CNTN4: variants seen among roughly 807,000 people sequenced by gnomAD.
The protein encoded by CNTN4 is contactin 4, also known as contactin-4.
Under a neutral mutation model 122.5 loss-of-function variants are expected in CNTN4, and 77 were observed. The observed-to-expected ratio is 0.63, with a 90% confidence interval of 0.52 to 0.76. CNTN4 has a LOEUF of 0.76. CNTN4 is among the 30% of genes least tolerant of loss of function. The pLI, the probability that CNTN4 is intolerant of heterozygous loss-of-function variation, is 0.00. For synonymous variants in CNTN4, 512 were observed against 447.0 expected (o/e 1.15, Z -1.83); for missense variants, 1,256 against 1,259.1 (o/e 1.00, Z 0.04).
intron 3 of CNTN4, among the ~76,000 whole-genome samples, chr3:2,520,765 C>CA (rs2077183573): frequency 6.6e-6 from 1 of 152,016 alleles, no homozygotes; most frequent in Admixed American, 6.6e-5. Flanking sequence ...ACAGAGAACA[C>CA]AGTGCTGGGC....
rs79964227 is a variant in CNTN4 at position 2,342,869 on chromosome 3, G to A, written c.-89+3636G>A. ...AATATACATGTATAAGAAATACCTA[G>A]AATAGGCAAAACTATAGAGACAGAA... On this transcript the variant is annotated intron_variant, in intron 3 of 24. Transcript: ENST00000418658. 3.8e-3 allele frequency among the ~76,000 whole-genome samples: 580 copies of A among 152,224 alleles called. 1 individual carries two copies. The highest frequency in any genetic ancestry group is 0.013 in the African/African-American group (552 of 41,538).
At chr3:2,208,680 A>G (rs2038472375) in intron 2 of CNTN4, among the ~76,000 whole-genome samples, 1 of 152,128 alleles carries the variant, frequency 6.6e-6, no homozygotes, top group African/African-American at 2.4e-5. Context: ...CTCGAAAGGA[A>G]GGGTCTATCT....
chr3:2,853,330 C>T (rs540895728), intron 7 of CNTN4, among the ~76,000 whole-genome samples: 14 of 152,124 alleles, frequency 9.2e-5, no homozygotes, highest in East Asian at 3.9e-4. Flanking sequence ...CTGCAAGCTC[C>T]GCCTCCCGGG....
chr3:2,745,747 C>T (rs764617863), intron 6 of CNTN4, 50 bp downstream of exon 6: 4 of 1,524,414 alleles, frequency 2.6e-6, no homozygotes, highest in Non-Finnish European at 3.6e-6. Flanking sequence ...GTTTGTGTAC[C>T]ATTATACCAA....
intron 2 of CNTN4, among the ~76,000 whole-genome samples, chr3:2,283,475 A>T (rs555897477): frequency 2.0e-5 from 3 of 152,290 alleles, no homozygotes; most frequent in African/African-American, 7.2e-5. Context: ...TTTCATAAAT[A>T]TGTCACTGAA....
At chr3:2,263,451 C>T (rs1018121862) in intron 2 of CNTN4, among the ~76,000 whole-genome samples, 3 of 151,796 alleles carry the variant, frequency 2.0e-5, no homozygotes, top group African/African-American at 7.3e-5. Context: ...GCGTATATAC[C>T]GATTCATTAA....
intron 2 of CNTN4, among the ~76,000 whole-genome samples, chr3:2,267,496 G>A (rs1029867836): frequency 2.0e-5 from 3 of 152,022 alleles, no homozygotes; most frequent in Admixed American, 2.0e-4. Context: ...ATTGTTTCAC[G>A]GTTCTACAGT....
At chr3:2,328,249 C>CAAAA in intron 2 of CNTN4, among the ~76,000 whole-genome samples, 1 of 151,232 alleles carries the variant, frequency 6.6e-6, no homozygotes, top group Admixed American at 6.6e-5. Context: ...ACTAAAAATA[C>CAAAA]AAAAAAATTA....
At chr3:2,495,112 G>A (rs1020164249) in intron 3 of CNTN4, among the ~76,000 whole-genome samples, 1 of 152,152 alleles carries the variant, frequency 6.6e-6, no homozygotes, top group Non-Finnish European at 1.5e-5. Flanking sequence ...AGCTAAAGTA[G>A]AAGATTATTT....
chr3:2,993,167 TA>T (rs1559763284), intron 14 of CNTN4, among the ~76,000 whole-genome samples: 1 of 152,178 alleles, frequency 6.6e-6, no homozygotes, highest in Non-Finnish European at 1.5e-5. Flanking sequence ...ATGAAACTTT[TA>T]TGAAATTCAT....
chr3:2,663,229 C>T (rs962532134), intron 4 of CNTN4, among the ~76,000 whole-genome samples: 6 of 151,930 alleles, frequency 3.9e-5, no homozygotes, highest in Non-Finnish European at 7.4e-5. Flanking sequence ...AATCATTGAA[C>T]TAGAATCAAA....
chr3:2,821,022 T>C (rs2092857149), intron 7 of CNTN4, among the ~76,000 whole-genome samples: 1 of 144,164 alleles, frequency 6.9e-6, no homozygotes, highest in Admixed American at 7.4e-5. Flanking sequence ...AGTGTGGTGG[T>C]GCAATCTCGG....
chr3:2,203,576 A>G (rs895096909), intron 2 of CNTN4, among the ~76,000 whole-genome samples: 3 of 152,040 alleles, frequency 2.0e-5, no homozygotes, highest in Non-Finnish European at 4.4e-5. Flanking sequence ...GAAAGGCTCT[A>G]TTTTCTCTAA....
chr3:2,594,361 G>C (rs530222754), intron 4 of CNTN4, among the ~76,000 whole-genome samples: 2 of 150,962 alleles, frequency 1.3e-5, no homozygotes, highest in Non-Finnish European at 2.9e-5. Context: ...AGATAATTTG[G>C]TACAGGATTA....
chr3:2,833,767 T>G (rs977949470), intron 7 of CNTN4, among the ~76,000 whole-genome samples: 2 of 152,220 alleles, frequency 1.3e-5, no homozygotes, highest in Non-Finnish European at 2.9e-5. Flanking sequence ...ATAACTTTAC[T>G]TGGGTTCAGC....
At chr3:2,990,440 A>G (rs550162148) in intron 14 of CNTN4, among the ~76,000 whole-genome samples, 27 of 152,320 alleles carry the variant, frequency 1.8e-4, no homozygotes, top group Middle Eastern at 3.4e-3. Flanking sequence ...AACCATATAT[A>G]TGGTGTCTCA....
chr3:2,368,700 T>C (rs956747416), intron 3 of CNTN4, among the ~76,000 whole-genome samples: 9 of 152,126 alleles, frequency 5.9e-5, no homozygotes, highest in African/African-American at 2.2e-4. Flanking sequence ...TGCAAGACTA[T>C]AAAATCTCTG....
chr3:3,032,192 T>G (rs915979767), intron 16 of CNTN4, among the ~76,000 whole-genome samples: 3 of 152,214 alleles, frequency 2.0e-5, no homozygotes, highest in African/African-American at 7.2e-5. Context: ...ACAGAATAAC[T>G]TATAGAAATG....
chr3:2,240,982 A>C (rs2039912566), intron 2 of CNTN4, among the ~76,000 whole-genome samples: 1 of 152,172 alleles, frequency 6.6e-6, no homozygotes, highest in African/African-American at 2.4e-5. Flanking sequence ...TGCATGCTTG[A>C]TTATATGCCA....
Sources: gnomAD v4.1 joint callset for allele counts (sites outside exome capture counted in the v4.1 genomes callset) on GRCh38, gnomAD v4.1.1 for gene constraint, MANE v1.5 for transcripts, NCBI Gene and HGNC (gene_info 2026-07-23, HGNC 2026-07-21) for gene names.